The following SDK1 variants were observed in gnomAD, a reference collection of about 807,000 sequenced individuals.
The protein encoded by SDK1 is sidekick cell adhesion molecule 1.
A neutral mutation model predicts 245.5 loss-of-function variants in SDK1; 157 were observed. The ratio of observed to expected loss-of-function variants is 0.64; its 90% confidence interval spans 0.56 to 0.73. The LOEUF (loss-of-function observed/expected upper bound fraction) is 0.73, where lower values mean the gene tolerates loss of function less well. SDK1 is among the 30% of genes least tolerant of loss of function. The probability of loss-of-function intolerance (pLI) is 0.00; values close to 1 mark genes in which losing one functional copy is unlikely to be tolerated. For synonymous variants in SDK1, 1,647 were observed against 1,278.5 expected (o/e 1.29, Z -6.15); for missense variants, 3,583 against 3,002.3 (o/e 1.19, Z -4.52).
rs565970742 is a variant in SDK1, at chr7:4,106,653, G to A, written c.3325-4010G>A. 2.0e-5 allele frequency among the ~76,000 whole-genome samples: 3 copies of A among 152,296 alleles called. 1 individual carries two copies. The highest frequency in any genetic ancestry group is 7.2e-5 in the African/African-American group (3 of 41,562). On this transcript the variant is annotated intron_variant, in intron 22 of 44. Coordinates refer to ENST00000404826, the MANE Select transcript of SDK1 (RefSeq NM_152744.4). ...AGCATCTCTGCAGAGGGAGCCGCAC[G>A]CCCGGCGTTCTCAGAGAAACCCGAT...
At chr7:4,156,104 C>T (rs1054252130) in intron 30 of SDK1, among the ~76,000 whole-genome samples, 1 of 152,168 alleles carries the variant, frequency 6.6e-6, no homozygotes, top group African/African-American at 2.4e-5. Context: ...GGTAAGGAAA[C>T]TGAGGCAAAG....
chr7:3,722,409 G>A (rs1390554624), intron 4 of SDK1, among the ~76,000 whole-genome samples: 1 of 152,156 alleles, frequency 6.6e-6, no homozygotes, highest in Non-Finnish European at 1.5e-5. Flanking sequence ...AGTCAGCCCA[G>A]GGTAGAGAAG....
chr7:3,768,110 G>T (rs17133795), intron 4 of SDK1, among the ~76,000 whole-genome samples: 1,915 of 152,322 alleles, frequency 0.013, 27 homozygotes, highest in African/African-American at 0.032. Flanking sequence ...GATTGTCTTA[G>T]GGATGGTCAT....
intron 1 of SDK1, among the ~76,000 whole-genome samples, chr7:3,353,825 A>G (rs1247917118): frequency 6.6e-6 from 1 of 152,084 alleles, no homozygotes; most frequent in Non-Finnish European, 1.5e-5. Flanking sequence ...GCAGCCTCCC[A>G]TGTTTGAGCG....
chr7:3,854,192 G>C (rs750093470), intron 5 of SDK1, among the ~76,000 whole-genome samples: 1 of 151,894 alleles, frequency 6.6e-6, no homozygotes, highest in East Asian at 1.9e-4. Flanking sequence ...GGTTATGTAC[G>C]GTGTGGTAGA....
rs1421862624 is a variant in SDK1, at chr7:4,026,282, G to C, written c.2602+8930G>C. On this transcript the variant is annotated intron_variant, in intron 17 of 44. Transcript: ENST00000404826. The surrounding 1 kb of genome is among the most constrained non-coding windows in gnomAD (Gnocchi z 4.1). ...GGAGAGGAAGAGGAAGAGACACCAA[G>C]TCGGCAGGAGCCCAAGCGAGTGGCC... 1.3e-5 allele frequency among the ~76,000 whole-genome samples: 2 copies of C among 152,272 alleles called. No individual in the cohort carries two copies. The highest frequency in any genetic ancestry group is 3.8e-4 in the East Asian group (2 of 5,196).
At chr7:3,605,398 A>C (rs1361643243) in intron 1 of SDK1, among the ~76,000 whole-genome samples, 1 of 152,224 alleles carries the variant, frequency 6.6e-6, no homozygotes, top group East Asian at 1.9e-4. Flanking sequence ...TCAAGGAAAA[A>C]ATGCCCACAG....
At chr7:3,428,397 A>G (rs750926753) in intron 1 of SDK1, among the ~76,000 whole-genome samples, 1 of 152,354 alleles carries the variant, frequency 6.6e-6, no homozygotes, top group Non-Finnish European at 1.5e-5. Context: ...AGTATGTTAT[A>G]ACCATTTCAC....
intron 5 of SDK1, among the ~76,000 whole-genome samples, chr7:3,846,057 A>G (rs1335061799): frequency 2.0e-5 from 3 of 152,180 alleles, no homozygotes; most frequent in Admixed American, 2.0e-4. Flanking sequence ...AGTAAATGAG[A>G]GTAACTTGCA....
chr7:3,648,548 T>C (rs914247528), intron 4 of SDK1, among the ~76,000 whole-genome samples: 3 of 152,250 alleles, frequency 2.0e-5, no homozygotes, highest in Non-Finnish European at 2.9e-5. Flanking sequence ...TAATTGTCCA[T>C]GCTTAAATAC....
chr7:4,267,644 T>C lies in SDK1; in HGVS notation c.*2260T>C. 1 of 985,496 alleles carries C rather than the reference T, an allele frequency of 1.0e-6. No homozygotes were observed. Among genetic ancestry groups the C allele is most frequent in the African/African-American group, 1.7e-5 (1 of 57,382 alleles). The allele number at this position is 985,496 out of a possible 1,614,324, so 61.0% of individuals were successfully genotyped here. ...GCAGCCATGAGGATGTGGCTTTACA[T>C]GCCAGGGAGAGTGTTGAGACGTCTT... On this transcript the variant is annotated 3_prime_UTR_variant, in exon 45 of 45. Coordinates refer to ENST00000404826, the MANE Select transcript of SDK1 (RefSeq NM_152744.4).
chr7:4,039,730 A>G (rs572175726), intron 17 of SDK1, among the ~76,000 whole-genome samples: 1 of 152,354 alleles, frequency 6.6e-6, no homozygotes, highest in African/African-American at 2.4e-5. Context: ...AACTTATTAT[A>G]ACATCTTTAA....
chr7:4,122,896 T>C (rs547599831), intron 25 of SDK1, among the ~76,000 whole-genome samples: 1 of 152,348 alleles, frequency 6.6e-6, no homozygotes, highest in East Asian at 1.9e-4. Flanking sequence ...CTTGTCCTCG[T>C]AGGATTTAAA....
At chr7:3,963,931 G>T (rs544953787) in intron 9 of SDK1, among the ~76,000 whole-genome samples, 1 of 151,908 alleles carries the variant, frequency 6.6e-6, no homozygotes, top group African/African-American at 2.4e-5. Context: ...GACGTATCCA[G>T]TGAGCACACC....
At chr7:3,982,711 G>C (rs1225204411) in intron 13 of SDK1, among the ~76,000 whole-genome samples, 1 of 152,102 alleles carries the variant, frequency 6.6e-6, no homozygotes, top group Admixed American at 6.6e-5. Flanking sequence ...TTGGTGGCGG[G>C]TGCCTGTAGT....
chr7:4,225,845 C>T (rs374123294), intron 40 of SDK1, among the ~76,000 whole-genome samples: 2 of 152,076 alleles, frequency 1.3e-5, no homozygotes, highest in Admixed American at 1.3e-4. Context: ...TCGGCGAGGG[C>T]TGAAGATCCT....
At chr7:3,913,501 G>C (rs922580331) in intron 5 of SDK1, among the ~76,000 whole-genome samples, 4 of 151,882 alleles carry the variant, frequency 2.6e-5, no homozygotes, top group Admixed American at 2.6e-4. Context: ...CACTATGTTA[G>C]CCAGGATGGT....
At chr7:3,326,730 A>G (rs1368234978) in intron 1 of SDK1, among the ~76,000 whole-genome samples, 1 of 152,120 alleles carries the variant, frequency 6.6e-6, no homozygotes, top group African/African-American at 2.4e-5. Flanking sequence ...ATGGTAGAGT[A>G]TGCATCTATC....
intron 5 of SDK1, among the ~76,000 whole-genome samples, chr7:3,828,575 A>G (rs966888090): frequency 1.3e-5 from 2 of 151,778 alleles, no homozygotes; most frequent in South Asian, 2.1e-4. Context: ...AACTCAATCC[A>G]AGAGAAGGTT....
Sources: gnomAD v4.1 joint callset for allele counts (sites outside exome capture counted in the v4.1 genomes callset) on GRCh38, gnomAD v4.1.1 for gene constraint, Gnocchi (gnomAD v3.1) non-coding constraint, MANE v1.5 for transcripts, NCBI Gene and HGNC (gene_info 2026-07-23, HGNC 2026-07-21) for gene names.